Variants in APBA1 observed in about 807,000 individuals in gnomAD.
APBA1 encodes amyloid-beta A4 precursor protein-binding family A member 1.
A neutral mutation model predicts 86.6 loss-of-function variants in APBA1; 55 were observed. The observed-to-expected ratio is 0.64, with a 90% CI of 0.51 to 0.80. The LOEUF (loss-of-function observed/expected upper bound fraction) is 0.80, where lower values mean the gene tolerates loss of function less well. Among genes scored for constraint, APBA1 ranks in the 30% least tolerant of loss-of-function variants. The pLI, the probability that APBA1 is intolerant of heterozygous loss-of-function variation, is 0.00. For missense variants in APBA1, 1,090 were observed against 1,183.0 expected (o/e 0.92, Z 1.15); for synonymous variants, 511 against 493.9 (o/e 1.03, Z -0.46).
intron 1 of APBA1, among the ~76,000 whole-genome samples, chr9:69,633,898 T>C (rs1246491083): frequency 6.6e-6 from 1 of 152,206 alleles, no homozygotes; most frequent in Non-Finnish European, 1.5e-5. Context: ...AGCTTCACAA[T>C]CTGAACTAAT....
At chr9:69,605,819 G>A (rs1822458954) in intron 1 of APBA1, among the ~76,000 whole-genome samples, 1 of 152,172 alleles carries the variant, frequency 6.6e-6, no homozygotes, top group Non-Finnish European at 1.5e-5. Flanking sequence ...AGTTCCATGA[G>A]GTCACAGATG....
At chr9:69,600,740 A>G (rs1250232856) in intron 1 of APBA1, among the ~76,000 whole-genome samples, 2 of 151,940 alleles carry the variant, frequency 1.3e-5, no homozygotes, top group Non-Finnish European at 2.9e-5. Context: ...TGGAGGTTGC[A>G]GTGAGCCAAG....
chr9:69,543,715 C>T (rs994321484), intron 1 of APBA1, among the ~76,000 whole-genome samples: 1 of 152,164 alleles, frequency 6.6e-6, no homozygotes, highest in African/African-American at 2.4e-5. Context: ...GTAACTTTCC[C>T]AGGGTCACAA....
intron 1 of APBA1, among the ~76,000 whole-genome samples, chr9:69,578,588 A>G (rs1476122044): frequency 1.3e-5 from 2 of 152,204 alleles, no homozygotes; most frequent in African/African-American, 4.8e-5. Flanking sequence ...GTTTCTCAAA[A>G]CAATTTTATT....
chr9:69,556,052 T>G (rs1424178535), intron 1 of APBA1, among the ~76,000 whole-genome samples: 1 of 152,148 alleles, frequency 6.6e-6, no homozygotes, highest in Non-Finnish European at 1.5e-5. Context: ...CTTTCATATT[T>G]CTAGCTCAAA....
chr9:69,458,241 G>A, intron 5 of APBA1, 53 bp from the exon 6 acceptor site: 1 of 1,533,322 alleles, frequency 6.5e-7, no homozygotes, highest in Non-Finnish European at 8.9e-7. Flanking sequence ...AGAATGTGTA[G>A]AGACTCAAAG....
At chr9:69,610,790 G>A (rs1444162628) in intron 1 of APBA1, among the ~76,000 whole-genome samples, 1 of 152,120 alleles carries the variant, frequency 6.6e-6, no homozygotes, top group African/African-American at 2.4e-5. Context: ...CAAACATTAA[G>A]GCATGCCAGG....
chr9:69,456,964 C>T, intron 7 of APBA1, 89 bp downstream of exon 7: 1 of 1,133,204 alleles, frequency 8.8e-7, no homozygotes, highest in Non-Finnish European at 1.3e-6. Flanking sequence ...AGCTGCTCTA[C>T]AGACACATGC....
intron 1 of APBA1, among the ~76,000 whole-genome samples, chr9:69,661,624 T>C (rs773494897): frequency 2.2e-4 from 33 of 152,098 alleles, no homozygotes; most frequent in Non-Finnish European, 4.1e-4. Flanking sequence ...AAAATTCATG[T>C]TGACATTTAA....
intron 8 of APBA1, among the ~76,000 whole-genome samples, chr9:69,453,107 T>C (rs1272119399): frequency 6.6e-6 from 1 of 152,228 alleles, no homozygotes; most frequent in Non-Finnish European, 1.5e-5. Context: ...TTAATACATA[T>C]TGTAATATGG....
At chr9:69,626,517 C>G (rs956808360) in intron 1 of APBA1, among the ~76,000 whole-genome samples, 1 of 152,010 alleles carries the variant, frequency 6.6e-6, no homozygotes, top group African/African-American at 2.4e-5. Context: ...TCGTGTGTAT[C>G]GCAATATACA....
intron 12 of APBA1, 35 bp downstream of exon 12, chr9:69,432,501 C>T (rs774282699): frequency 2.7e-6 from 4 of 1,474,580 alleles, no homozygotes; most frequent in Non-Finnish European, 3.6e-6. Context: ...CAGACGCGGC[C>T]CTCAGCACCA....
Position 69,474,517 on chromosome 9 carries a change from A to C in APBA1, c.1296+1531T>G, listed in dbSNP as rs549124650. 2.0e-5 allele frequency among the ~76,000 whole-genome samples: 3 copies of C among 152,362 alleles called. No individual in the cohort carries two copies. In the South Asian group the frequency reaches 6.2e-4, roughly 32 times the overall value. On this transcript the variant is annotated intron_variant, in intron 3 of 12. Transcript: ENST00000265381. ...AGAAACGATAGTGCTCATGACTGTT[A>C]TCATCAGGGCACCTGTCCTTCTTTT...
intron 1 of APBA1, among the ~76,000 whole-genome samples, chr9:69,650,423 G>A (rs1233731534): frequency 6.6e-6 from 1 of 152,180 alleles, no homozygotes; most frequent in Non-Finnish European, 1.5e-5. Context: ...GGAACTCAAT[G>A]TTTAAAATGA....
At chr9:69,604,348 G>C (rs1822419258) in intron 1 of APBA1, among the ~76,000 whole-genome samples, 1 of 147,610 alleles carries the variant, frequency 6.8e-6, no homozygotes, top group African/African-American at 2.5e-5. Context: ...ATGAGGGTAA[G>C]TGGAGAGGCA....
chr9:69,523,495 A>ATATATG (rs1333051495), intron 1 of APBA1, among the ~76,000 whole-genome samples: 8 of 14,840 alleles, frequency 5.4e-4, no homozygotes, highest in East Asian at 0.014. Flanking sequence ...ATATATATAT[A>ATATATG]TGTATATATA....
At chr9:69,570,602 G>GA (rs1258245557) in intron 1 of APBA1, among the ~76,000 whole-genome samples, 2 of 152,072 alleles carry the variant, frequency 1.3e-5, no homozygotes, top group Admixed American at 1.3e-4. Flanking sequence ...TTTGTACTAG[G>GA]AAAAAACCTA....
chr9:69,618,519 T>C (rs1277021349), intron 1 of APBA1, among the ~76,000 whole-genome samples: 1 of 152,158 alleles, frequency 6.6e-6, no homozygotes, highest in African/African-American at 2.4e-5. Flanking sequence ...ATACTTTCCA[T>C]GGAAAGAGAC....
intron 1 of APBA1, among the ~76,000 whole-genome samples, chr9:69,600,343 C>T (rs541799167): frequency 2.6e-5 from 4 of 152,172 alleles, no homozygotes; most frequent in Non-Finnish European, 2.9e-5. Flanking sequence ...TGACCCCGAA[C>T]CTTTGCTTCC....
Sources: allele counts gnomAD v4.1 joint callset (sites outside exome capture counted in the v4.1 genomes callset), GRCh38; gene constraint gnomAD v4.1.1; transcripts MANE v1.5; gene names NCBI Gene and HGNC (gene_info 2026-07-23, HGNC 2026-07-21).